The following CWH43 variants were observed in gnomAD, a reference collection of about 807,000 sequenced individuals.
CWH43 encodes PGAP2-interacting protein.
A neutral mutation model predicts 85.7 loss-of-function variants in CWH43; 91 were observed. That is an observed-to-expected ratio of 1.06 (90% CI 0.90 to 1.26). The LOEUF (loss-of-function observed/expected upper bound fraction) is 1.26, where lower values mean the gene tolerates loss of function less well. Among genes scored for constraint, CWH43 ranks in the 50% most tolerant of loss-of-function variants. The pLI is 0.00. For missense variants in CWH43, 869 were observed against 839.2 expected (o/e 1.04, Z -0.44); for synonymous variants, 323 against 293.6 (o/e 1.10, Z -1.02).
chr4:49,055,878 T>C (rs1339944293), intron 15 of CWH43, among the ~76,000 whole-genome samples: 1 of 151,962 alleles, frequency 6.6e-6, no homozygotes, highest in East Asian at 1.9e-4. Context: ...ATTACAGGCA[T>C]GAGCCACTAT....
intron 14 of CWH43, 69 bp from the exon 15 acceptor site, chr4:49,050,625 T>A: frequency 2.4e-6 from 3 of 1,231,422 alleles, no homozygotes; most frequent in Non-Finnish European, 3.4e-6. Flanking sequence ...CAAAGGGGTA[T>A]CACTTGGATC....
At chr4:49,033,316 T>C (rs1408759274) in intron 12 of CWH43, among the ~76,000 whole-genome samples, 1 of 152,190 alleles carries the variant, frequency 6.6e-6, no homozygotes, top group Non-Finnish European at 1.5e-5. Context: ...AAAATATCAC[T>C]TTGAATACTG....
rs181675127 is a variant in CWH43, at chr4:49,032,660, G to A, written c.1603G>A (p.Val535Ile). The change falls in exon 12 of 16, where the codon GTT (valine) becomes ATT (isoleucine). Residue 535 changes from valine (V) to isoleucine (I), a missense_variant. Physicochemically the swap from Val to Ile is conservative, Grantham distance 29. This residue lies in a region of CWH43 where 577 missense variants were observed against 513.1 expected (regional missense o/e 1.12). Transcript: ENST00000226432. ...GEIAPAITLT[V>I]NISGKLVDFV... The stretch of plus-strand genomic sequence containing the variant: ...GATCGCACCAGCCATCACATTGACC[G>A]TTAACATTTCGGGCAAGCTGGTGGA... The A allele has an allele frequency of 5.5e-5, 88 of 1,614,076 alleles. 2 individuals carry two copies. The South Asian group carries it at 8.3e-4, about 15-fold the overall frequency.
intron 1 of CWH43, 187 bp downstream of exon 1, chr4:48,986,659 T>C (rs555071222): frequency 1.6e-4 from 218 of 1,378,172 alleles, no homozygotes; most frequent in African/African-American, 2.4e-4. Flanking sequence ...AAGACCTAGA[T>C]TGAAGTCTTC....
intron 14 of CWH43, among the ~76,000 whole-genome samples, chr4:49,048,594 A>G (rs1784703162): frequency 6.6e-6 from 1 of 152,066 alleles, no homozygotes; most frequent in East Asian, 1.9e-4. Context: ...GGTTGCCGAT[A>G]ACTGCCTTCT....
chr4:49,041,394 T>C (rs1045599694), intron 13 of CWH43, among the ~76,000 whole-genome samples: 1 of 152,178 alleles, frequency 6.6e-6, no homozygotes, highest in African/African-American at 2.4e-5. Context: ...TGTTCTTCCA[T>C]TTGTTTGTAT....
intron 6 of CWH43, among the ~76,000 whole-genome samples, chr4:49,003,024 A>T (rs1409066422): frequency 4.6e-5 from 7 of 152,304 alleles, no homozygotes; most frequent in Admixed American, 3.9e-4. Context: ...GATGGAGTGG[A>T]CCCTGCAGTG....
In CWH43 at chr4:49,052,623, C is replaced by T. The variant is rs1784833297; in HGVS notation, c.2021+1774C>T. Among the ~76,000 whole-genome samples the T allele has an allele frequency of 2.0e-5, 3 of 152,074 alleles. No individual in the cohort carries two copies. The South Asian group carries it at 6.2e-4, about 31-fold the overall frequency. The stretch of plus-strand genomic sequence containing the variant: ...TCACATAGCAGGAGTGCGGAGAAAT[C>T]CAAATAAAATATTTTTGGCTAACCA... On this transcript the variant is annotated intron_variant, in intron 15 of 15. Transcript: ENST00000226432.
intron 15 of CWH43, among the ~76,000 whole-genome samples, chr4:49,054,886 GTTTTTCAGTT>G (rs1403149501): frequency 6.0e-5 from 9 of 151,192 alleles, no homozygotes; most frequent in Admixed American, 1.3e-4. Flanking sequence ...AATTCTAACA[GTTTTTCAGTT>G]TTTTTCAGTG....
At chr4:48,995,459 A>AT (rs1426501663) in intron 5 of CWH43, among the ~76,000 whole-genome samples, 1 of 152,194 alleles carries the variant, frequency 6.6e-6, no homozygotes, top group Non-Finnish European at 1.5e-5. Flanking sequence ...TTGCAAAAAA[A>AT]TTGGAGGAAT....
At chr4:49,011,053 T>C (rs1051982885) in intron 8 of CWH43, among the ~76,000 whole-genome samples, 2 of 152,184 alleles carry the variant, frequency 1.3e-5, no homozygotes, top group Non-Finnish European at 2.9e-5. Flanking sequence ...GTCTCATTGA[T>C]ATGTCTAATA....
At chr4:49,042,055 G>A (rs1784479839) in intron 13 of CWH43, among the ~76,000 whole-genome samples, 1 of 152,180 alleles carries the variant, frequency 6.6e-6, no homozygotes, top group African/African-American at 2.4e-5. Flanking sequence ...AAATTAGAGT[G>A]TTAAAACAAC....
intron 12 of CWH43, among the ~76,000 whole-genome samples, chr4:49,033,340 G>T (rs1242347004): frequency 6.6e-6 from 1 of 152,110 alleles, no homozygotes. Flanking sequence ...AGCCTATTTG[G>T]ACAACCTGGC....
intron 12 of CWH43, among the ~76,000 whole-genome samples, chr4:49,033,439 G>A (rs1784164457): frequency 6.6e-6 from 1 of 152,090 alleles, no homozygotes; most frequent in African/African-American, 2.4e-5. Flanking sequence ...GCTTGCCCTG[G>A]CAAGCTCTCT....
chr4:49,037,941 C>G (rs55774002), intron 12 of CWH43, 95 bp from the exon 13 acceptor site: 67,556 of 1,044,730 alleles, frequency 0.065, 2,634 homozygotes, highest in South Asian at 0.086. Context: ...GGCTTCTTCA[C>G]TATATGCAGA....
chr4:48,994,490 T>C, intron 4 of CWH43, 129 bp from the exon 5 acceptor site: 1 of 714,710 alleles, frequency 1.4e-6, no homozygotes, highest in Admixed American at 2.7e-5. Flanking sequence ...GTTGCATGTC[T>C]CATCTCCTCT....
In CWH43 at chr4:49,030,890, A is replaced by G; in HGVS notation, c.1438A>G (p.Thr480Ala). 1 of 1,611,384 alleles carries G rather than the reference A, an allele frequency of 6.2e-7. No individual in the cohort carries two copies. Among genetic ancestry groups the G allele is most frequent in the Non-Finnish European group, 8.5e-7 (1 of 1,178,956 alleles). Reference sequence around the variant, plus strand: ...GCCCTATATGGGGAACAATGACTTAACCATGTGGCTAGGGGAAAAGTTGGG... The same window carrying G: ...GCCCTATATGGGGAACAATGACTTAGCCATGTGGCTAGGGGAAAAGTTGGG... ...SKPYMGNNDL[T>A]MWLGEKLGFY... Residue 480 changes from threonine to alanine, a missense_variant, in exon 11 of 16, where the codon ACC becomes GCC. This residue lies in a region of CWH43 where 577 missense variants were observed against 513.1 expected (regional missense o/e 1.12). Coordinates refer to ENST00000226432, the MANE Select transcript of CWH43 (RefSeq NM_025087.3).
At chr4:49,034,073 T>C (rs1343152606) in intron 12 of CWH43, among the ~76,000 whole-genome samples, 1 of 152,206 alleles carries the variant, frequency 6.6e-6, no homozygotes, top group Non-Finnish European at 1.5e-5. Flanking sequence ...CCAAATATAA[T>C]TAATATGAAC....
At chr4:49,038,227 C>CTT in intron 13 of CWH43, 47 bp downstream of exon 13, 1 of 1,441,592 alleles carries the variant, frequency 6.9e-7, no homozygotes, top group Non-Finnish European at 9.3e-7. Context: ...TAAAACATTT[C>CTT]TTTTTCTTTC....
Sources: allele counts gnomAD v4.1 joint callset (sites outside exome capture counted in the v4.1 genomes callset), GRCh38; gene constraint gnomAD v4.1.1; regional missense constraint gnomAD v4.1.1; transcripts MANE v1.5; gene names NCBI Gene and HGNC (gene_info 2026-07-23, HGNC 2026-07-21).